SCO2: variants seen among roughly 807,000 people sequenced by gnomAD.
SCO2 encodes the protein cytochrome c oxidase assembly factor SCO2.
For missense variants in SCO2, 429 were observed against 348.7 expected, an observed-to-expected ratio of 1.23 and a Z score of -1.83; for synonymous variants, 195 against 148.6, an observed-to-expected ratio of 1.31 and a Z score of -2.27.
chr22:50,524,498 A>C, intron 1 of SCO2, 74 bp from the exon 2 acceptor site: 1 of 1,395,742 alleles, frequency 7.2e-7, no homozygotes, highest in East Asian at 2.4e-5. Context: ...CTGCGACTTG[A>C]GACCAGCCAC....
upstream of SCO2, chr22:50,526,309 C>T (rs1388103407): frequency 1.3e-6 from 2 of 1,558,840 alleles, no homozygotes; most frequent in Non-Finnish European, 8.6e-7. Flanking sequence ...CGGCGTTCTG[C>T]GGGACTTCCC....
At chr22:50,524,742 C>G (rs986821239) in intron 1 of SCO2, 1 of 549,254 alleles carries the variant, frequency 1.8e-6, no homozygotes, top group Non-Finnish European at 3.6e-6. Context: ...CTGAACTAAC[C>G]ACGTTATCTA....
chr22:50,525,547 G>T lies in SCO2; in HGVS notation c.-89C>A. The T allele has an allele frequency of 1.5e-6, 1 of 657,480 alleles. No homozygotes were observed. Among genetic ancestry groups the T allele is most frequent in the Non-Finnish European group, 2.5e-6 (1 of 393,678 alleles). The allele number at this position is 657,480 out of a possible 1,614,324, so 40.7% of individuals were successfully genotyped here. A position where few individuals can be genotyped will look rare whatever the true frequency, so the allele number is the denominator to read the frequency against. On this transcript the variant is annotated 5_prime_UTR_variant, in exon 1 of 2. Coordinates refer to ENST00000395693, the MANE Select transcript of SCO2 (RefSeq NM_005138.3). Reference sequence around the variant, plus strand: ...CCTCCAGCTCCCTGCGCTCTGCCCCGCCGGCTCAGGGAAAGCGGGCGCCAC... The same window carrying T: ...CCTCCAGCTCCCTGCGCTCTGCCCCTCCGGCTCAGGGAAAGCGGGCGCCAC...
In SCO2 at chr22:50,523,729, A is replaced by G. The variant is rs772544740; in HGVS notation, c.683T>C (p.Ile228Thr). 6.2e-7 allele frequency: 1 copy of G among 1,614,196 alleles called. No individual in the cohort carries two copies. Among genetic ancestry groups the G allele is most frequent in the South Asian group, 1.1e-5 (1 of 91,090 alleles). ...QDYIVDHSIAIYLLNPDGLFT... is the reference protein window; with the variant it reads ...QDYIVDHSIATYLLNPDGLFT... The stretch of plus-strand genomic sequence containing the variant: ...GAGGCCGTCAGGGTTGAGCAGGTAG[A>G]TGGCAATGGAGTGGTCCACGATGTA... Residue 228 changes from isoleucine to threonine, a missense_variant, in exon 2 of 2, where the codon ATC (isoleucine) becomes ACC (threonine). Coordinates refer to ENST00000395693, the MANE Select transcript of SCO2 (RefSeq NM_005138.3).
Position 50,524,317 on chromosome 22 carries a change from T to G in SCO2, c.95A>C (p.His32Pro). The G allele has an allele frequency of 1.1e-5, 18 of 1,601,916 alleles. No individual in the cohort carries two copies. The highest frequency in any genetic ancestry group is 1.5e-5 in the Non-Finnish European group (18 of 1,179,848). The change falls in exon 2 of 2, where the codon CAT becomes CCT. Residue 32 changes from histidine (H) to proline (P), a missense_variant. His to Pro is a moderately conservative substitution (Grantham distance 77). Transcript: ENST00000395693. ...CCTTGACAAAAGCCAGGACCTCAGA[T>G]GCAGGGCCTGGCCTCCCAGGGTCCC... ...LPGTLGGQAL[H>P]LRSWLLSRQG...
At chr22:50,525,936 G>T, upstream of SCO2, 1 of 1,438,748 alleles carries the variant, frequency 7.0e-7, no homozygotes, top group South Asian at 1.5e-5. Flanking sequence ...GCGAGGGGCT[G>T]TTAGAGGCCG....
Position 50,523,847 on chromosome 22 carries a change from A to AC in SCO2, c.564dup (p.Leu189ValfsTer14). On this transcript the variant is annotated frameshift_variant, in exon 2 of 2. Coordinates refer to ENST00000395693, the MANE Select transcript of SCO2 (RefSeq NM_005138.3). LOFTEE classifies it low-confidence loss of function (END_TRUNC). ...TGTTTGGTGGAGCCGGTCAGACCCAACAGTCTTGGGTGGAAGTCCTGGACG... is the reference window on the plus strand; with the variant it reads ...TGTTTGGTGGAGCCGGTCAGACCCAACCAGTCTTGGGTGGAAGTCCTGGACG... 1 of 1,613,946 alleles carries AC rather than the reference A, an allele frequency of 6.2e-7. No individual in the cohort carries two copies. Among genetic ancestry groups the AC allele is most frequent in the African/African-American group, 1.3e-5 (1 of 75,022 alleles).
upstream of SCO2, chr22:50,526,040 C>T: frequency 6.8e-7 from 1 of 1,479,026 alleles, no homozygotes; most frequent in African/African-American, 1.5e-5. Flanking sequence ...AGCAGCTCTG[C>T]GCCCACCCCC....
At chr22:50,525,915 G>GTCCCTGCAGAGCGAGGGGC (rs2069338830), upstream of SCO2, 1 of 1,529,142 alleles carries the variant, frequency 6.5e-7, no homozygotes, top group African/African-American at 1.4e-5. Context: ...GAGCCAGGGG[G>GTCCCTGCAGAGCGAGGGGC]TCCCTGCAGA....
At chr22:50,526,080 C>T (rs1226406848), upstream of SCO2, 2 of 1,485,076 alleles carry the variant, frequency 1.3e-6, no homozygotes, top group Non-Finnish European at 1.8e-6. Context: ...CGCGGCTGCG[C>T]CCGGCCCCGA....
chr22:50,526,426 C>CG, upstream of SCO2: 1 of 1,503,644 alleles, frequency 6.7e-7, no homozygotes, highest in Non-Finnish European at 8.8e-7. Flanking sequence ...ACCCGGGCAG[C>CG]GCCCTGGGCC....
chr22:50,524,175 C>T lies in SCO2; in HGVS notation c.237G>A (p.Arg79=), dbSNP rs150485659. Residue 79 remains arginine, a synonymous_variant, in exon 2 of 2, where the codon AGG becomes AGA. Transcript: ENST00000395693. ...AGLGGAWLAL[R]AEKERLQQQK... ...GCTGCTGCAGCCTCTCCTTCTCAGC[C>T]CTCAGGGCCAGCCAGGCCCCACCGA... 356 of 1,610,088 alleles carry T rather than the reference C, an allele frequency of 2.2e-4. No individual in the cohort carries two copies. Among genetic ancestry groups the T allele is most frequent in the Admixed American group, 4.8e-4 (29 of 60,024 alleles).
upstream of SCO2, chr22:50,526,261 G>T: frequency 6.5e-7 from 1 of 1,537,286 alleles, no homozygotes; most frequent in East Asian, 2.5e-5. Flanking sequence ...GCGGGCGCCA[G>T]CAGCTCCTCC....
chr22:50,524,130 C>T lies in SCO2; in HGVS notation c.282G>A (p.Leu94=), dbSNP rs770447916. ...RLQQQKRTEA[L]RQAAVGQGDF... The stretch of plus-strand genomic sequence containing the variant: ...CGCCCTGGCCCACAGCTGCCTGGCG[C>T]AGGGCTTCTGTTCGCTTTTGCTGCT... Residue 94 remains leucine (L), a synonymous_variant, in exon 2 of 2, where the codon CTG becomes CTA. Coordinates refer to ENST00000395693, the MANE Select transcript of SCO2 (RefSeq NM_005138.3). 1.9e-6 allele frequency: 3 copies of T among 1,612,630 alleles called. No homozygotes were observed. Among genetic ancestry groups the T allele is most frequent in the Admixed American group, 1.7e-5 (1 of 60,032 alleles).
upstream of SCO2, chr22:50,525,655 G>A: frequency 6.8e-7 from 1 of 1,470,080 alleles, no homozygotes; most frequent in Non-Finnish European, 9.3e-7. Flanking sequence ...CAGCGCGTGC[G>A]CGGAAGGCGG....
chr22:50,526,026 G>T (rs2069348115), upstream of SCO2: 1 of 1,473,384 alleles, frequency 6.8e-7, no homozygotes, highest in Non-Finnish European at 8.9e-7. Context: ...GACCCACGTC[G>T]ACCAGCAGCT....
At chr22:50,526,213 AG>A (rs1569522093), upstream of SCO2, 2 of 1,498,088 alleles carry the variant, frequency 1.3e-6, no homozygotes, top group South Asian at 2.5e-5. Flanking sequence ...GGGATGGCGG[AG>A]GCGGAAGGAC....
At chr22:50,526,202 G>A (rs2069363433), upstream of SCO2, 3 of 1,488,542 alleles carry the variant, frequency 2.0e-6, no homozygotes, top group African/African-American at 2.9e-5. Context: ...GGGAAGGGAA[G>A]GGGATGGCGG....
chr22:50,526,163 G>C (rs2069360337), upstream of SCO2: 3 of 1,471,272 alleles, frequency 2.0e-6, no homozygotes, highest in South Asian at 1.3e-5. Flanking sequence ...GGGGCTGAGA[G>C]GCGCGGGCTC....
Sources: allele counts gnomAD v4.1 joint callset, GRCh38; gene constraint gnomAD v4.1.1; transcripts MANE v1.5; gene names NCBI Gene and HGNC (gene_info 2026-07-23, HGNC 2026-07-21).